Variants in TIE1 observed in about 807,000 individuals in gnomAD.
The protein encoded by TIE1 is tyrosine-protein kinase receptor Tie-1.
A neutral mutation model predicts 130.5 loss-of-function variants in TIE1; 89 were observed. The observed-to-expected ratio is 0.68, with a 90% confidence interval of 0.57 to 0.81. TIE1 has a LOEUF of 0.81. TIE1 is among the 40% of genes least tolerant of loss of function. TIE1 has a pLI of 0.00. For missense variants in TIE1, 1,392 were observed against 1,559.8 expected, an observed-to-expected ratio of 0.89 and a Z score of 1.81; for synonymous variants, 568 against 629.4, an observed-to-expected ratio of 0.90 and a Z score of 1.46.
Position 43,309,600 on chromosome 1 carries a change from G to A in TIE1, c.1333+68G>A. ...AGTAGGCTCTAGATGATGCTGCTCA[G>A]GCTGGAGATACTAGCAGGAAGGACA... On this transcript the variant is annotated intron_variant, in intron 9 of 22. Coordinates refer to ENST00000372476, the MANE Select transcript of TIE1 (RefSeq NM_005424.5). This position sits in a 1 kb window ranked among gnomAD's most constrained non-coding sequence, Gnocchi z 6.3. 1 of 1,494,868 alleles carries A rather than the reference G, an allele frequency of 6.7e-7. No homozygotes were observed. The highest frequency in any genetic ancestry group is 8.9e-7 in the Non-Finnish European group (1 of 1,122,200). The allele number at this position is 1,494,868 out of a possible 1,614,324, so 92.6% of individuals were successfully genotyped here.
Position 43,312,707 on chromosome 1 carries a change from G to A in TIE1, c.1927+106G>A. 7.5e-7 allele frequency: 1 copy of A among 1,329,282 alleles called. No homozygotes were observed. Among genetic ancestry groups the A allele is most frequent in the Non-Finnish European group, 1.0e-6 (1 of 981,326 alleles). The allele number at this position is 1,329,282 out of a possible 1,614,324, so 82.3% of individuals were successfully genotyped here. Reference sequence around the variant, plus strand: ...AGGCTGTAGGAGATTAATGGACATGGAGAGGACACAGGACACACATAGGGT... The same window carrying A: ...AGGCTGTAGGAGATTAATGGACATGAAGAGGACACAGGACACACATAGGGT... On this transcript the variant is annotated intron_variant, in intron 12 of 22. Coordinates refer to ENST00000372476, the MANE Select transcript of TIE1 (RefSeq NM_005424.5). This position sits in a 1 kb window ranked among gnomAD's most constrained non-coding sequence, Gnocchi z 5.6.
rs560530828 is a variant in TIE1, at chr1:43,301,825, C to T, written c.58+696C>T. Among the ~76,000 whole-genome samples, 139 of 152,202 alleles carry T rather than the reference C, an allele frequency of 9.1e-4. No individual in the cohort carries two copies. In the South Asian group the frequency reaches 0.011, roughly 12 times the overall value. On this transcript the variant is annotated intron_variant, in intron 1 of 22. Transcript: ENST00000372476. ...CAGAGGTTGCAGTGAGCTGAGATCG[C>T]GCCACTGCACTCCAGCCTGGGCGAC...
At chr1:43,311,570 T>C (rs1240927140) in intron 9 of TIE1, 101 bp from the exon 10 acceptor site, 2 of 1,465,414 alleles carry the variant, frequency 1.4e-6, no homozygotes, top group Non-Finnish European at 1.8e-6. Context: ...TCTGTTGAAC[T>C]TGGTGTCCCT....
intron 7 of TIE1, among the ~76,000 whole-genome samples, chr1:43,308,671 ACC>A (rs950700283): frequency 5.9e-5 from 9 of 152,038 alleles, no homozygotes; most frequent in Non-Finnish European, 7.4e-5. Context: ...GGAGCAGGAG[ACC>A]CTCGAGGACT....
rs746636961 is a variant in TIE1 at position 43,317,311 on chromosome 1, T to G, written c.2522T>G (p.Phe841Cys). 1 of 1,614,138 alleles carries G rather than the reference T, an allele frequency of 6.2e-7. No individual in the cohort carries two copies. Among genetic ancestry groups the G allele is most frequent in the Non-Finnish European group, 8.5e-7 (1 of 1,180,022 alleles). The change falls in exon 15 of 23, where the codon TTT (phenylalanine) becomes TGT (cysteine). Residue 841 changes from phenylalanine to cysteine, a missense_variant. Physicochemically the swap from Phe to Cys is radical, Grantham distance 205. This residue lies in a region of TIE1 where 286 missense variants were observed against 354.4 expected (regional missense o/e 0.81). Coordinates refer to ENST00000372476, the MANE Select transcript of TIE1 (RefSeq NM_005424.5). The surrounding 1 kb of genome is among the most constrained non-coding windows in gnomAD (Gnocchi z 5.1). ...GTGCTAGAGTGGGAGGACATCACCT[T>G]TGAGGACCTCATCGGGGAGGGGAAC... ...YPVLEWEDIT[F>C]EDLIGEGNFG...
intron 21 of TIE1, 54 bp downstream of exon 21, chr1:43,321,546 C>G: frequency 6.4e-7 from 1 of 1,565,810 alleles, no homozygotes; most frequent in Admixed American, 1.9e-5. Context: ...TGAGTGACCT[C>G]AGCTTTGATC....
At position 43,307,419 on chromosome 1, in the gene TIE1, A is replaced by G. The variant is rs766401692; in HGVS notation, c.773-13A>G. On this transcript the variant is annotated splice_polypyrimidine_tract_variant and intron_variant, in intron 5 of 22. Coordinates refer to ENST00000372476, the MANE Select transcript of TIE1 (RefSeq NM_005424.5). This position sits in a 1 kb window ranked among gnomAD's most constrained non-coding sequence, Gnocchi z 5.4. ...CCACAGAGGCCCATACACCCCACAC[A>G]CTCTCTTTCTAGCCTGCAGAGAGGG... is the stretch of plus-strand genomic sequence containing the variant. 4.3e-6 allele frequency: 7 copies of G among 1,613,456 alleles called. No homozygotes were observed. In the South Asian group the frequency reaches 7.7e-5, roughly 18 times the overall value.
intron 1 of TIE1, among the ~76,000 whole-genome samples, chr1:43,301,516 G>C (rs928402968): frequency 1.3e-5 from 2 of 152,030 alleles, no homozygotes; most frequent in Admixed American, 6.5e-5. Context: ...GGTGGTGATG[G>C]TGGGACAACA....
chr1:43,310,909 TC>T (rs761256656), intron 9 of TIE1, among the ~76,000 whole-genome samples: 42 of 152,146 alleles, frequency 2.8e-4, no homozygotes, highest in Non-Finnish European at 4.4e-5. Context: ...TTTCCTTCCT[TC>T]CTTTCCTCTC....
In TIE1 at chr1:43,317,348, C is replaced by T; in HGVS notation, c.2559C>T (p.Val853=). Residue 853 remains valine, a synonymous_variant, in exon 15 of 23, where the codon GTC becomes GTT. Coordinates refer to ENST00000372476, the MANE Select transcript of TIE1 (RefSeq NM_005424.5). This position sits in a 1 kb window ranked among gnomAD's most constrained non-coding sequence, Gnocchi z 5.1. ...TCGGGGAGGGGAACTTCGGCCAGGT[C>T]ATCCGGGCCATGATCAAGAAGGACG... ...DLIGEGNFGQ[V]IRAMIKKDGL... is the part of the protein sequence containing the mutation. 1 of 1,614,062 alleles carries T rather than the reference C, an allele frequency of 6.2e-7. No individual in the cohort carries two copies. Among genetic ancestry groups the T allele is most frequent in the East Asian group, 2.2e-5 (1 of 44,864 alleles).
Position 43,307,470 on chromosome 1 carries a change from C to T in TIE1, c.811C>T (p.Gln271Ter). 1.2e-6 allele frequency: 2 copies of T among 1,614,156 alleles called. No individual in the cohort carries two copies. Among genetic ancestry groups the T allele is most frequent in the Non-Finnish European group, 1.7e-6 (2 of 1,180,012 alleles). ...CCGTTTTGGGCAGAGCTGCCAGGAG[C>T]AGTGCCCAGGCATATCAGGCTGCCG... is the stretch of plus-strand genomic sequence containing the variant. ...EGRFGQSCQE[Q>*]CPGISGCRGL... The change falls in exon 6 of 23, where the codon CAG becomes TAG. Residue 271 changes from glutamine (Q) to a stop codon, truncating the protein, a stop_gained. Coordinates refer to ENST00000372476, the MANE Select transcript of TIE1 (RefSeq NM_005424.5). LOFTEE classifies it high-confidence loss of function. This position sits in a 1 kb window ranked among gnomAD's most constrained non-coding sequence, Gnocchi z 5.4.
Position 43,319,786 on chromosome 1 carries a change from C to T in TIE1, c.3107+257C>T. ...ATGTTTGTGTAAGTGACGGGGGATG[C>T]CTTGGAGAGGTTTGGGAATGCTGGC... On this transcript the variant is annotated intron_variant, in intron 19 of 22. Coordinates refer to ENST00000372476, the MANE Select transcript of TIE1 (RefSeq NM_005424.5). The surrounding 1 kb of genome is among the most constrained non-coding windows in gnomAD (Gnocchi z 4.7). 2.0e-6 allele frequency: 1 copy of T among 509,286 alleles called. No individual in the cohort carries two copies. 31.5% of individuals were successfully genotyped at this position (509,286 alleles called of 1,614,324 possible). A position where few individuals can be genotyped will look rare whatever the true frequency, so the allele number is the denominator to read the frequency against.
chr1:43,313,599 G>T lies in TIE1; in HGVS notation c.2218+174G>T. ...CCATTCTCATGATCCACTGTCCCAG[G>T]GCTGGGAAAATCATGTCGCCCCTCT... is the stretch of plus-strand genomic sequence containing the variant. On this transcript the variant is annotated intron_variant, in intron 13 of 22. Coordinates refer to ENST00000372476, the MANE Select transcript of TIE1 (RefSeq NM_005424.5). This position sits in a 1 kb window ranked among gnomAD's most constrained non-coding sequence, Gnocchi z 6.2. 9.2e-7 allele frequency: 1 copy of T among 1,081,232 alleles called. No homozygotes were observed. The highest frequency in any genetic ancestry group is 1.3e-6 in the Non-Finnish European group (1 of 768,604). The allele number at this position is 1,081,232 out of a possible 1,614,324, so 67.0% of individuals were successfully genotyped here. A position where few individuals can be genotyped will look rare whatever the true frequency, so the allele number is the denominator to read the frequency against.
In TIE1 at chr1:43,306,848, T is replaced by G. The variant is rs558081602; in HGVS notation, c.493T>G (p.Phe165Val). The G allele has an allele frequency of 6.2e-7, 1 of 1,611,980 alleles. No individual in the cohort carries two copies. Among genetic ancestry groups the G allele is most frequent in the East Asian group, 2.2e-5 (1 of 44,876 alleles). ...DVIWKSNGSY[F>V]YTLDWHEAQD... ...ACATTCATGTCCCCCAGGATCCTAC[T>G]TCTACACCCTGGACTGGCATGAAGC... is the stretch of plus-strand genomic sequence containing the variant. Residue 165 changes from phenylalanine to valine, a missense_variant, in exon 4 of 23, where the codon TTC (phenylalanine) becomes GTC (valine). By Grantham distance (50) the Phe-to-Val change is conservative (BLOSUM62 -1). Around this residue, in one of 6 missense-constraint regions of TIE1, gnomAD observed 415 missense variants for 424.8 expected, o/e 0.98. Transcript: ENST00000372476. This position sits in a 1 kb window ranked among gnomAD's most constrained non-coding sequence, Gnocchi z 4.9.
Position 43,309,203 on chromosome 1 carries a change from T to G in TIE1, c.1188+72T>G. 6.5e-7 allele frequency: 1 copy of G among 1,530,372 alleles called. No homozygotes were observed. The highest frequency in any genetic ancestry group is 8.8e-7 in the Non-Finnish European group (1 of 1,137,804). 94.8% of individuals were successfully genotyped at this position (1,530,372 alleles called of 1,614,324 possible). On this transcript the variant is annotated intron_variant, in intron 8 of 22. Coordinates refer to ENST00000372476, the MANE Select transcript of TIE1 (RefSeq NM_005424.5). The surrounding 1 kb of genome is among the most constrained non-coding windows in gnomAD (Gnocchi z 6.3). ...TTCACAGCTGATCCCTAAGACCCCC[T>G]AGTCCCTCAGAACTTTCTGCAGGGC...
In TIE1 at chr1:43,316,054, G is replaced by T. The variant is rs1224603495; in HGVS notation, c.2410-1145G>T. On this transcript the variant is annotated intron_variant, in intron 14 of 22. Coordinates refer to ENST00000372476, the MANE Select transcript of TIE1 (RefSeq NM_005424.5). This position sits in a 1 kb window ranked among gnomAD's most constrained non-coding sequence, Gnocchi z 4.4. ...CGCCTGGGCAACAGAGCGAGACCTT[G>T]TCTCAAAACAAACAAAAAGATATAT... 2.0e-5 allele frequency among the ~76,000 whole-genome samples: 3 copies of T among 152,198 alleles called. No individual in the cohort carries two copies. Among genetic ancestry groups the T allele is most frequent in the Admixed American group, 6.5e-5 (1 of 15,284 alleles).
At position 43,307,658 on chromosome 1, in the gene TIE1, G is replaced by T. The variant is rs955130052; in HGVS notation, c.913+86G>T. The T allele has an allele frequency of 1.2e-6, 2 of 1,605,326 alleles. No homozygotes were observed. Among genetic ancestry groups the T allele is most frequent in the Admixed American group, 1.7e-5 (1 of 59,796 alleles). On this transcript the variant is annotated intron_variant, in intron 6 of 22. Transcript: ENST00000372476. The surrounding 1 kb of genome is among the most constrained non-coding windows in gnomAD (Gnocchi z 5.4). ...ACCCTCCACTCTGCCTCTGACTTAC[G>T]CAGCAAGCCCTCCTGCTCACTTGAC...
In TIE1 at chr1:43,304,905, G is replaced by A; in HGVS notation, c.113G>A (p.Arg38His). 1 of 1,434,218 alleles carries A rather than the reference G, an allele frequency of 7.0e-7. No individual in the cohort carries two copies. The highest frequency in any genetic ancestry group is 1.5e-5 in the South Asian group (1 of 67,352). The allele number at this position is 1,434,218 out of a possible 1,614,324, so 88.8% of individuals were successfully genotyped here. A position where few individuals can be genotyped will look rare whatever the true frequency, so the allele number is the denominator to read the frequency against. The part of the protein sequence containing the change: ...LANLRLTDPQ[R>H]FFLTCVSGEA... ...AACCTGCGGCTCACGGACCCCCAGC[G>A]CTTCTTCCTGACTTGCGTGTCTGGG... Residue 38 changes from arginine to histidine, a missense_variant, in exon 2 of 23, where the codon CGC becomes CAC. By Grantham distance (29) the Arg-to-His change is conservative. Around this residue, in one of 6 missense-constraint regions of TIE1, gnomAD observed 415 missense variants for 424.8 expected, o/e 0.98. Coordinates refer to ENST00000372476, the MANE Select transcript of TIE1 (RefSeq NM_005424.5).
rs753213141 is a variant in TIE1, at chr1:43,309,160, GC to G, written c.1188+33del. The G allele has an allele frequency of 1.8e-5, 28 of 1,561,760 alleles. No homozygotes were observed. The South Asian group carries it at 3.4e-4, about 19-fold the overall frequency. Reference sequence around the variant, plus strand: ...AGCCCCCAATCACCCCAACCCACCAGCCCCTCAGGCCGCCTGCTTCACAGCT... The same window carrying G: ...AGCCCCCAATCACCCCAACCCACCAGCCCTCAGGCCGCCTGCTTCACAGCT... On this transcript the variant is annotated intron_variant, in intron 8 of 22. Coordinates refer to ENST00000372476, the MANE Select transcript of TIE1 (RefSeq NM_005424.5). The surrounding 1 kb of genome is among the most constrained non-coding windows in gnomAD (Gnocchi z 6.3).
Sources: gnomAD v4.1 joint callset for allele counts (sites outside exome capture counted in the v4.1 genomes callset) on GRCh38, gnomAD v4.1.1 for gene constraint, gnomAD v4.1.1 regional missense constraint, Gnocchi (gnomAD v3.1) non-coding constraint, MANE v1.5 for transcripts, NCBI Gene and HGNC (gene_info 2026-07-23, HGNC 2026-07-21) for gene names.